SAXO1: variants seen among roughly 807,000 people sequenced by gnomAD.
SAXO1 encodes the protein 4930500O09Rik.
A neutral mutation model predicts 17.5 loss-of-function variants in SAXO1; 21 were observed. The observed-to-expected ratio is 1.20, with a 90% confidence interval of 0.85 to 1.72. The LOEUF (loss-of-function observed/expected upper bound fraction) is 1.72, where lower values mean the gene tolerates loss of function less well. Among genes scored for constraint, SAXO1 ranks in the 40% most tolerant of loss-of-function variants. The pLI is 0.00. For missense variants in SAXO1, 843 were observed against 596.0 expected, an observed-to-expected ratio of 1.41 and a Z score of -4.32; for synonymous variants, 274 against 216.5, an observed-to-expected ratio of 1.27 and a Z score of -2.33.
intron 1 of SAXO1, among the ~76,000 whole-genome samples, chr9:18,962,809 C>T (rs1399766627): frequency 2.6e-5 from 4 of 152,160 alleles, no homozygotes; most frequent in Non-Finnish European, 4.4e-5. Context: ...TTAATTAGAT[C>T]CCATTTGTCA....
chr9:18,994,395 T>C (rs550003055), intron 1 of SAXO1, among the ~76,000 whole-genome samples: 1 of 152,332 alleles, frequency 6.6e-6, no homozygotes, highest in Non-Finnish European at 1.5e-5. Flanking sequence ...CAGTGCACTA[T>C]CTGGAAAGAT....
intron 1 of SAXO1, among the ~76,000 whole-genome samples, chr9:19,009,802 G>A (rs529981310): frequency 1.2e-4 from 18 of 150,880 alleles, no homozygotes; most frequent in African/African-American, 4.4e-4. Flanking sequence ...CGTCTAAAGA[G>A]GTGAAGTCCA....
chr9:18,977,140 T>G (rs1316999922), intron 1 of SAXO1, among the ~76,000 whole-genome samples: 1 of 152,230 alleles, frequency 6.6e-6, no homozygotes, highest in Non-Finnish European at 1.5e-5. Context: ...TCTTATAAAC[T>G]GGCATGAGAC....
intron 1 of SAXO1, among the ~76,000 whole-genome samples, chr9:19,000,180 C>G (rs1834197875): frequency 1.3e-5 from 2 of 151,816 alleles, no homozygotes; most frequent in Non-Finnish European, 1.5e-5. Context: ...GCCACCCTGT[C>G]TGGGAAGTGA....
chr9:19,030,101 A>T (rs1254813944), intron 1 of SAXO1, among the ~76,000 whole-genome samples: 2 of 152,196 alleles, frequency 1.3e-5, no homozygotes, highest in Admixed American at 1.3e-4. Context: ...CTGGGTTAAC[A>T]GGGAACTTGC....
intron 1 of SAXO1, among the ~76,000 whole-genome samples, chr9:19,042,326 C>T (rs929935675): frequency 6.6e-6 from 1 of 152,066 alleles, no homozygotes; most frequent in African/African-American, 2.4e-5. Context: ...AAAAGGGAAC[C>T]GCTGTACACT....
chr9:19,045,223 T>A (rs1285874329), intron 1 of SAXO1, among the ~76,000 whole-genome samples: 1 of 142,086 alleles, frequency 7.0e-6, no homozygotes, highest in Non-Finnish European at 1.5e-5. Context: ...GGCAGGAGAA[T>A]GGCGTGAACC....
intron 1 of SAXO1, among the ~76,000 whole-genome samples, chr9:18,968,155 T>C (rs1832802154): frequency 6.6e-6 from 1 of 152,212 alleles, no homozygotes; most frequent in South Asian, 2.1e-4. Context: ...TCTGCATTGG[T>C]CTCACTGGGA....
chr9:18,974,063 G>A (rs1247059741), intron 1 of SAXO1, among the ~76,000 whole-genome samples: 1 of 152,224 alleles, frequency 6.6e-6, no homozygotes, highest in Non-Finnish European at 1.5e-5. Flanking sequence ...GTTGGTGGCA[G>A]TGTGCCCTTA....
chr9:19,036,536 C>T (rs1835944407), upstream of SAXO1, among the ~76,000 whole-genome samples: 1 of 152,146 alleles, frequency 6.6e-6, no homozygotes, highest in South Asian at 2.1e-4. Flanking sequence ...CCAGCTGCTC[C>T]AGCCATGGCT....
At chr9:18,963,694 T>A (rs1440290414) in intron 1 of SAXO1, among the ~76,000 whole-genome samples, 2 of 152,210 alleles carry the variant, frequency 1.3e-5, no homozygotes, top group African/African-American at 4.8e-5. Flanking sequence ...GTTTTGGGGC[T>A]GAGACAATGG....
At chr9:18,930,238 T>C (rs1328407881) in intron 3 of SAXO1, among the ~76,000 whole-genome samples, 4 of 152,174 alleles carry the variant, frequency 2.6e-5, no homozygotes, top group African/African-American at 9.7e-5. Flanking sequence ...AACTGGCCAA[T>C]CTAGATGTCC....
chr9:19,045,553 G>A (rs1262018257), intron 1 of SAXO1, among the ~76,000 whole-genome samples: 6 of 152,086 alleles, frequency 3.9e-5, no homozygotes, highest in Non-Finnish European at 5.9e-5. Flanking sequence ...CTGAATATTA[G>A]CAACCTAGCT....
chr9:18,961,199 C>G (rs1832468373), intron 1 of SAXO1, among the ~76,000 whole-genome samples: 3 of 150,926 alleles, frequency 2.0e-5, no homozygotes, highest in South Asian at 2.1e-4. Context: ...GGGGTTCTCG[C>G]TCTGTCAGCC....
intron 1 of SAXO1, among the ~76,000 whole-genome samples, chr9:18,959,944 G>A (rs1832416696): frequency 6.6e-6 from 1 of 152,142 alleles, no homozygotes; most frequent in Non-Finnish European, 1.5e-5. Context: ...GCAAGGCTAA[G>A]GACAGGTGAT....
At chr9:18,962,521 G>T (rs1316735064) in intron 1 of SAXO1, among the ~76,000 whole-genome samples, 1 of 152,220 alleles carries the variant, frequency 6.6e-6, no homozygotes, top group Non-Finnish European at 1.5e-5. Flanking sequence ...TGTAGGTTCT[G>T]GGTATTAGCC....
intron 1 of SAXO1, among the ~76,000 whole-genome samples, chr9:18,959,634 G>A (rs1832403668): frequency 6.6e-6 from 1 of 152,124 alleles, no homozygotes; most frequent in African/African-American, 2.4e-5. Flanking sequence ...GGCCAGGTGT[G>A]GTGGCAGATG....
chr9:19,025,866 G>T (rs1008173890), intron 1 of SAXO1, among the ~76,000 whole-genome samples: 2 of 140,192 alleles, frequency 1.4e-5, no homozygotes, highest in Middle Eastern at 3.4e-3. Flanking sequence ...TTACTAAAAG[G>T]CTTTTAGAAT....
chr9:18,962,491 G>C (rs564828462), intron 1 of SAXO1, among the ~76,000 whole-genome samples: 2 of 152,182 alleles, frequency 1.3e-5, no homozygotes, highest in Admixed American at 6.5e-5. Context: ...TTTTTGATGG[G>C]TGAATTTGTT....
Sources: gnomAD v4.1 joint callset for allele counts (sites outside exome capture counted in the v4.1 genomes callset) on GRCh38, gnomAD v4.1.1 for gene constraint, MANE v1.5 for transcripts, NCBI Gene and HGNC (gene_info 2026-07-23, HGNC 2026-07-21) for gene names.